Variants in GHR observed in about 807,000 individuals in gnomAD.
GHR encodes the protein growth hormone receptor.
GHR carries 35 observed loss-of-function variants against 67.1 expected under a neutral mutation model. The observed-to-expected ratio is 0.52, with a 90% CI of 0.40 to 0.69. GHR has a LOEUF of 0.69. Among genes scored for constraint, GHR ranks in the 30% least tolerant of loss-of-function variants. GHR has a pLI of 0.00. For synonymous variants in GHR, 272 were observed against 269.1 expected (o/e 1.01, Z -0.10); for missense variants, 792 against 764.6 (o/e 1.04, Z -0.42).
At chr5:42,554,073 G>A (rs1409801652) in intron 1 of GHR, among the ~76,000 whole-genome samples, 1 of 152,112 alleles carries the variant, frequency 6.6e-6, no homozygotes, top group Middle Eastern at 3.2e-3. Flanking sequence ...CTGAATCAGC[G>A]ATTCTCAATC....
At chr5:42,444,328 A>T (rs1017523854) in intron 1 of GHR, among the ~76,000 whole-genome samples, 1 of 152,222 alleles carries the variant, frequency 6.6e-6, no homozygotes. Flanking sequence ...AGACTTCATA[A>T]TGAGTTTGAA....
chr5:42,490,768 T>C (rs1746081927), intron 1 of GHR, among the ~76,000 whole-genome samples: 1 of 152,220 alleles, frequency 6.6e-6, no homozygotes, highest in Non-Finnish European at 1.5e-5. Flanking sequence ...AGTATAACTG[T>C]GGACTATAAA....
chr5:42,471,998 A>G (rs1745031297), intron 1 of GHR, among the ~76,000 whole-genome samples: 1 of 152,216 alleles, frequency 6.6e-6, no homozygotes, highest in African/African-American at 2.4e-5. Context: ...ACTAATGCCT[A>G]CTTTGGGCCT....
chr5:42,476,856 C>T (rs1034851403), intron 1 of GHR, among the ~76,000 whole-genome samples: 5 of 152,012 alleles, frequency 3.3e-5, no homozygotes, highest in Non-Finnish European at 5.9e-5. Flanking sequence ...CTCACACACA[C>T]TTGTGATTCT....
chr5:42,644,564 C>T (rs1256018637), intron 3 of GHR, among the ~76,000 whole-genome samples: 1 of 151,882 alleles, frequency 6.6e-6, no homozygotes, highest in Non-Finnish European at 1.5e-5. Flanking sequence ...TCTTTTGAAA[C>T]ATGATGGGAA....
At chr5:42,582,804 C>T (rs1364602808) in intron 2 of GHR, among the ~76,000 whole-genome samples, 3 of 152,254 alleles carry the variant, frequency 2.0e-5, no homozygotes, top group African/African-American at 7.2e-5. Flanking sequence ...ACGGTGGAAG[C>T]CATTTGCGTA....
intron 1 of GHR, among the ~76,000 whole-genome samples, chr5:42,453,794 G>C (rs1367830734): frequency 1.3e-5 from 2 of 152,172 alleles, no homozygotes; most frequent in Admixed American, 1.3e-4. Context: ...TGTGTCTGCA[G>C]TGGAGTGCCA....
At chr5:42,462,210 G>A (rs998206582) in intron 1 of GHR, among the ~76,000 whole-genome samples, 3 of 152,188 alleles carry the variant, frequency 2.0e-5, no homozygotes, top group African/African-American at 7.2e-5. Flanking sequence ...TATTTGAAAT[G>A]TTGGTTTTCT....
chr5:42,530,958 C>T (rs900972371), intron 1 of GHR, among the ~76,000 whole-genome samples: 4 of 152,098 alleles, frequency 2.6e-5, no homozygotes, highest in African/African-American at 7.2e-5. Flanking sequence ...TTTTAGAATA[C>T]GTCATTTCTT....
chr5:42,512,452 G>C (rs904403066), intron 1 of GHR, among the ~76,000 whole-genome samples: 1 of 152,118 alleles, frequency 6.6e-6, no homozygotes, highest in Non-Finnish European at 1.5e-5. Flanking sequence ...AGCTATCAAA[G>C]GTTTTTGGTG....
At chr5:42,679,622 T>C (rs943591658) in intron 3 of GHR, among the ~76,000 whole-genome samples, 52 of 149,110 alleles carry the variant, frequency 3.5e-4, no homozygotes, top group African/African-American at 1.3e-3. Context: ...AGACTGCATC[T>C]CAAAAAAAAA....
At chr5:42,430,607 C>CGTGTGTGTGTGTGTGTGTGT (rs141602161) in intron 1 of GHR, among the ~76,000 whole-genome samples, 10 of 147,408 alleles carry the variant, frequency 6.8e-5, no homozygotes, top group African/African-American at 1.8e-4. Context: ...ATGCTAGTCC[C>CGTGTGTGTGTGTGTGTGTGT]GTGTGTGTGT....
chr5:42,578,363 T>C (rs1403941507), intron 2 of GHR, among the ~76,000 whole-genome samples: 1 of 152,212 alleles, frequency 6.6e-6, no homozygotes, highest in African/African-American at 2.4e-5. Context: ...TACATATAGT[T>C]ACATTACACC....
In GHR at chr5:42,540,183, T is replaced by TTCTCTCTC. The variant is rs57962722; in HGVS notation, c.-11-25651_-11-25644dup. ...TACTTGAATGGGATGTGTTACTGTATTCTCTCTCTCTCTCTCTCTCTCTCT... is the reference window on the plus strand; with the variant it reads ...TACTTGAATGGGATGTGTTACTGTATTCTCTCTCTCTCTCTCTCTCTCTCTCTCTCTCT... On this transcript the variant is annotated intron_variant, in intron 1 of 9. Transcript: ENST00000230882. Among the ~76,000 whole-genome samples the TTCTCTCTC allele has an allele frequency of 9.6e-3, 1,380 of 144,460 alleles. 15 individuals are homozygous for TTCTCTCTC. The highest frequency in any genetic ancestry group is 0.019 in the African/African-American group (749 of 39,182). The allele number at this position is 144,460 out of a possible 152,430, so 94.8% of individuals were successfully genotyped here.
At chr5:42,524,505 CAG>C (rs1243208843) in intron 1 of GHR, among the ~76,000 whole-genome samples, 2 of 152,108 alleles carry the variant, frequency 1.3e-5, no homozygotes, top group Non-Finnish European at 2.9e-5. Flanking sequence ...GAAAGGGAAA[CAG>C]AGCATAAAAG....
At chr5:42,574,609 A>G (rs933869168) in intron 2 of GHR, among the ~76,000 whole-genome samples, 4 of 152,240 alleles carry the variant, frequency 2.6e-5, no homozygotes, top group Non-Finnish European at 5.9e-5. Flanking sequence ...GCTCCCCAGT[A>G]TGACCTGGCT....
At chr5:42,545,973 G>A (rs1002526104) in intron 1 of GHR, among the ~76,000 whole-genome samples, 35 of 152,040 alleles carry the variant, frequency 2.3e-4, no homozygotes, top group African/African-American at 6.3e-4. Context: ...AAAACTATTC[G>A]TAAGTTCTAA....
intron 1 of GHR, among the ~76,000 whole-genome samples, chr5:42,431,307 T>A (rs1161724106): frequency 6.6e-6 from 1 of 152,180 alleles, no homozygotes; most frequent in East Asian, 1.9e-4. Context: ...TTCTCTTTTG[T>A]TGTTGTTTTT....
At chr5:42,563,270 G>A (rs1032018835) in intron 1 of GHR, among the ~76,000 whole-genome samples, 1 of 152,172 alleles carries the variant, frequency 6.6e-6, no homozygotes, top group African/African-American at 2.4e-5. Flanking sequence ...TGTCTTGGGA[G>A]ATAACAAGTA....
Sources: allele counts gnomAD v4.1 joint callset (sites outside exome capture counted in the v4.1 genomes callset), GRCh38; gene constraint gnomAD v4.1.1; transcripts MANE v1.5; gene names NCBI Gene and HGNC (gene_info 2026-07-23, HGNC 2026-07-21).